LDB2: variants seen among roughly 807,000 people sequenced by gnomAD.
The protein encoded by LDB2 is LIM domain binding 2, also known as LIM domain-binding protein 2.
In LDB2, 12 loss-of-function variants were observed where a neutral mutation model predicts 44.3. The ratio of observed to expected loss-of-function variants is 0.27; its 90% CI spans 0.17 to 0.44. The LOEUF is 0.44. Ranked by LOEUF, LDB2 falls within the 20% of genes least tolerant of loss-of-function variation. LDB2 has a pLI of 1.00. For synonymous variants in LDB2, 164 were observed against 174.8 expected, an observed-to-expected ratio of 0.94 and a Z score of 0.49; for missense variants, 344 against 473.5, an observed-to-expected ratio of 0.73 and a Z score of 2.54.
At chr4:16,504,241 T>G (rs1015667392) in intron 7 of LDB2, among the ~76,000 whole-genome samples, 2 of 152,244 alleles carry the variant, frequency 1.3e-5, no homozygotes, top group Non-Finnish European at 2.9e-5. Context: ...TACTGCCTAC[T>G]GTCAGGAGAA....
At chr4:16,520,249 G>A (rs1168624031) in intron 5 of LDB2, among the ~76,000 whole-genome samples, 1 of 151,058 alleles carries the variant, frequency 6.6e-6, no homozygotes, top group Non-Finnish European at 1.5e-5. Flanking sequence ...GAGTGAAGGA[G>A]TCTCTCTAAT....
chr4:16,862,421 GTCGGGAGT>G (rs1712954971), intron 1 of LDB2, among the ~76,000 whole-genome samples: 1 of 151,800 alleles, frequency 6.6e-6, no homozygotes, highest in African/African-American at 2.4e-5. Context: ...ATCACCTGTG[GTCGGGAGT>G]TCAAGACCAG....
At chr4:16,780,224 T>A (rs1470331873) in intron 1 of LDB2, among the ~76,000 whole-genome samples, 4 of 152,196 alleles carry the variant, frequency 2.6e-5, no homozygotes, top group Admixed American at 6.5e-5. Context: ...TAATTTTTTT[T>A]ATTTTATTAT....
chr4:16,776,779 G>A (rs984920421), intron 1 of LDB2, among the ~76,000 whole-genome samples: 17 of 152,176 alleles, frequency 1.1e-4, no homozygotes, highest in African/African-American at 3.1e-4. Context: ...CATGAAATAC[G>A]GGAGTGGGGA....
chr4:16,843,586 TA>T (rs565017669), intron 1 of LDB2, among the ~76,000 whole-genome samples: 6 of 152,060 alleles, frequency 3.9e-5, no homozygotes, highest in Non-Finnish European at 1.5e-5. Context: ...GGTGCCATTT[TA>T]AAAAAAATGC....
At chr4:16,885,320 A>G (rs886186874) in intron 1 of LDB2, among the ~76,000 whole-genome samples, 6 of 151,592 alleles carry the variant, frequency 4.0e-5, no homozygotes, top group African/African-American at 9.7e-5. Context: ...GGGGAGCAAG[A>G]CGCTGTCTCA....
At chr4:16,874,302 C>A (rs1353406046) in intron 1 of LDB2, among the ~76,000 whole-genome samples, 2 of 151,992 alleles carry the variant, frequency 1.3e-5, no homozygotes, top group African/African-American at 2.4e-5. Flanking sequence ...GGTTACAAGA[C>A]AAGAAGTACA....
At chr4:16,744,123 G>A (rs765824949) in intron 2 of LDB2, among the ~76,000 whole-genome samples, 25 of 152,200 alleles carry the variant, frequency 1.6e-4, no homozygotes, top group Middle Eastern at 3.4e-3. Context: ...ACTTTAGCAA[G>A]TTACTAATAA....
At chr4:16,831,256 C>T (rs1784038915) in intron 1 of LDB2, among the ~76,000 whole-genome samples, 2 of 146,974 alleles carry the variant, frequency 1.4e-5, no homozygotes. Context: ...GGACAAGCAG[C>T]AAGGAGGTGG....
intron 1 of LDB2, among the ~76,000 whole-genome samples, chr4:16,817,704 A>G (rs1216957314): frequency 6.6e-6 from 1 of 152,184 alleles, no homozygotes; most frequent in East Asian, 1.9e-4. Flanking sequence ...ACTTTCTTTA[A>G]TCCTCAAAGT....
At chr4:16,734,690 A>G (rs1039210435) in intron 2 of LDB2, among the ~76,000 whole-genome samples, 29 of 143,142 alleles carry the variant, frequency 2.0e-4, no homozygotes, top group Admixed American at 8.0e-4. Context: ...GCTGCTTCCC[A>G]ACTTCTTGTT....
At chr4:16,588,454 G>A (rs1279865948) in intron 4 of LDB2, among the ~76,000 whole-genome samples, 1 of 152,132 alleles carries the variant, frequency 6.6e-6, no homozygotes, top group Non-Finnish European at 1.5e-5. Flanking sequence ...GTTTATTGAA[G>A]TAACCTCAAT....
chr4:16,620,723 A>G (rs1728636843), intron 2 of LDB2, among the ~76,000 whole-genome samples: 1 of 152,172 alleles, frequency 6.6e-6, no homozygotes, highest in Non-Finnish European at 1.5e-5. Flanking sequence ...TACAAGCTCT[A>G]CAGGGAATGT....
Position 16,815,916 on chromosome 4 carries a change from T to C in LDB2, c.133-56656A>G, listed in dbSNP as rs559538634. Among the ~76,000 whole-genome samples the C allele has an allele frequency of 2.6e-5, 4 of 152,308 alleles. No individual in the cohort carries two copies. In the East Asian group the frequency reaches 7.7e-4, roughly 29 times the overall value. On this transcript the variant is annotated intron_variant, in intron 1 of 7. Transcript: ENST00000304523. Reference sequence around the variant, plus strand: ...TTCTAATATATTTGGCTTAAAATCATATTACTTCAGGCCAGGCACGGTGGC... The same window carrying C: ...TTCTAATATATTTGGCTTAAAATCACATTACTTCAGGCCAGGCACGGTGGC...
chr4:16,879,840 G>A (rs1460636175), intron 1 of LDB2, among the ~76,000 whole-genome samples: 2 of 152,076 alleles, frequency 1.3e-5, no homozygotes, highest in Non-Finnish European at 2.9e-5. Flanking sequence ...CTAGAAACAG[G>A]AAGCCAATTT....
At chr4:16,706,621 T>C (rs569390157) in intron 2 of LDB2, among the ~76,000 whole-genome samples, 3 of 152,300 alleles carry the variant, frequency 2.0e-5, no homozygotes, top group African/African-American at 4.8e-5. Context: ...CACAATTCCA[T>C]AGACATCAGA....
intron 2 of LDB2, among the ~76,000 whole-genome samples, chr4:16,756,081 A>T (rs181438410): frequency 5.1e-4 from 77 of 152,308 alleles, no homozygotes; most frequent in Non-Finnish European, 8.1e-4. Flanking sequence ...GAATGAAAGG[A>T]ACAATATATC....
intron 5 of LDB2, among the ~76,000 whole-genome samples, chr4:16,584,347 A>T (rs1307804331): frequency 2.0e-5 from 3 of 152,194 alleles, no homozygotes; most frequent in Admixed American, 2.0e-4. Context: ...CCCAATTCCT[A>T]TCCATATCAT....
chr4:16,729,083 C>T (rs1362456090), intron 2 of LDB2, among the ~76,000 whole-genome samples: 1 of 152,168 alleles, frequency 6.6e-6, no homozygotes, highest in Non-Finnish European at 1.5e-5. Context: ...ATATGGATGA[C>T]AAGCTCCTGA....
Sources: allele counts gnomAD v4.1 joint callset (sites outside exome capture counted in the v4.1 genomes callset), GRCh38; gene constraint gnomAD v4.1.1; transcripts MANE v1.5; gene names NCBI Gene and HGNC (gene_info 2026-07-23, HGNC 2026-07-21).